Variants in MTUS2 observed in about 807,000 individuals in gnomAD.
MTUS2 encodes the protein microtubule associated scaffold protein 2.
A neutral mutation model predicts 114.1 loss-of-function variants in MTUS2; 40 were observed. The observed-to-expected ratio is 0.35, with a 90% CI of 0.27 to 0.46. The LOEUF is 0.46. MTUS2 is among the 20% of genes least tolerant of loss of function. MTUS2 has a pLI of 1.00. For missense variants in MTUS2, 1,679 were observed against 1,705.4 expected, an observed-to-expected ratio of 0.98 and a Z score of 0.27; for synonymous variants, 688 against 672.0, an observed-to-expected ratio of 1.02 and a Z score of -0.37.
At position 29,024,774 on chromosome 13, in the gene MTUS2, A is replaced by C. The variant is rs760014567; in HGVS notation, c.76A>C (p.Asn26His). 1.2e-6 allele frequency: 2 copies of C among 1,614,024 alleles called. No homozygotes were observed. The highest frequency in any genetic ancestry group is 2.2e-5 in the South Asian group (2 of 91,088). Residue 26 changes from asparagine (N) to histidine (H), a missense_variant, in exon 3 of 16, where the codon AAT becomes CAT. Asn to His is a moderately conservative substitution (Grantham distance 68). This residue lies in a region of MTUS2 where 843 missense variants were observed against 770.8 expected (regional missense o/e 1.09). Transcript: ENST00000612955. ...CAACAGAAATGCAGCAAGAAATAAT[A>C]ATGAAAGCATCTTAAGTCTGGGAGA... is the stretch of plus-strand genomic sequence containing the variant. ...RDNRNAARNN[N>H]ESILSLGDTN...
intron 5 of MTUS2, among the ~76,000 whole-genome samples, chr13:29,130,613 C>CATTT (rs566541625): frequency 1.2e-4 from 19 of 152,170 alleles, no homozygotes; most frequent in South Asian, 6.2e-4. Context: ...AATTTCTACA[C>CATTT]ATTTATTTAT....
chr13:28,900,893 A>G (rs1879608150), intron 2 of MTUS2, among the ~76,000 whole-genome samples: 1 of 152,166 alleles, frequency 6.6e-6, no homozygotes, highest in African/African-American at 2.4e-5. Context: ...ATTTCTCTGG[A>G]GTAAATGCCT....
chr13:28,862,217 A>G (rs1028289611), intron 2 of MTUS2, among the ~76,000 whole-genome samples: 4 of 152,216 alleles, frequency 2.6e-5, no homozygotes, highest in Non-Finnish European at 5.9e-5. Flanking sequence ...GGAAACATTT[A>G]TGTAGGCTGA....
chr13:28,980,141 C>A (rs1884293070), intron 2 of MTUS2, among the ~76,000 whole-genome samples: 2 of 152,184 alleles, frequency 1.3e-5, no homozygotes. Context: ...TGAATACATT[C>A]ATTGTTTAAA....
intron 8 of MTUS2, among the ~76,000 whole-genome samples, chr13:29,374,468 C>T (rs529737364): frequency 3.3e-5 from 5 of 152,276 alleles, no homozygotes; most frequent in Non-Finnish European, 5.9e-5. Flanking sequence ...CATTACCTAT[C>T]GGGGAACAAC....
At chr13:28,990,867 T>C (rs971004887) in intron 2 of MTUS2, among the ~76,000 whole-genome samples, 1 of 152,004 alleles carries the variant, frequency 6.6e-6, no homozygotes, top group Non-Finnish European at 1.5e-5. Flanking sequence ...TGCGAGGGTC[T>C]GCGGCTTCAT....
chr13:29,406,598 C>T (rs80336392), intron 8 of MTUS2, among the ~76,000 whole-genome samples: 5,066 of 152,266 alleles, frequency 0.033, 106 homozygotes, highest in Non-Finnish European at 0.047. Flanking sequence ...CATACCATCA[C>T]CTCTGCTATA....
At chr13:29,186,590 T>A (rs1382666806) in intron 5 of MTUS2, among the ~76,000 whole-genome samples, 1 of 152,190 alleles carries the variant, frequency 6.6e-6, no homozygotes, top group Non-Finnish European at 1.5e-5. Context: ...TTATGAACAT[T>A]AATGCACTTA....
chr13:29,458,193 C>A (rs1343453372), intron 9 of MTUS2, among the ~76,000 whole-genome samples: 1 of 152,198 alleles, frequency 6.6e-6, no homozygotes, highest in African/African-American at 2.4e-5. Context: ...CTCATGCTTG[C>A]CACATGTCCC....
chr13:29,018,181 T>G (rs1160644764), intron 2 of MTUS2, among the ~76,000 whole-genome samples: 1 of 152,136 alleles, frequency 6.6e-6, no homozygotes, highest in African/African-American at 2.4e-5. Flanking sequence ...ACAGGGCAAA[T>G]GTACTTTAAG....
At chr13:29,305,702 A>G (rs1393127334) in intron 6 of MTUS2, among the ~76,000 whole-genome samples, 1 of 152,224 alleles carries the variant, frequency 6.6e-6, no homozygotes, top group Non-Finnish European at 1.5e-5. Flanking sequence ...AAATTCTACT[A>G]GATGTACAAA....
At position 28,923,101 on chromosome 13, in the gene MTUS2, C is replaced by T. The variant is rs559305983; in HGVS notation, c.-243+83251C>T. Among the ~76,000 whole-genome samples the T allele has an allele frequency of 7.8e-4, 118 of 152,206 alleles. 1 individual carries two copies. The highest frequency in any genetic ancestry group is 2.7e-3 in the African/African-American group (114 of 41,534). On this transcript the variant is annotated intron_variant, in intron 2 of 15. Transcript: ENST00000612955. ...TTGTTCTAAAGTTTATGTATTCTCT[C>T]CTTTGTCATTTCTGCTTCCTTATCG... is the stretch of plus-strand genomic sequence containing the variant.
chr13:28,871,928 G>A (rs192768894), intron 2 of MTUS2, among the ~76,000 whole-genome samples: 19 of 152,298 alleles, frequency 1.2e-4, no homozygotes, highest in Non-Finnish European at 1.3e-4. Context: ...ACAGACTGGT[G>A]AGTTTGGCCA....
chr13:29,233,327 G>T (rs1227603134), intron 5 of MTUS2, among the ~76,000 whole-genome samples: 1 of 152,104 alleles, frequency 6.6e-6, no homozygotes, highest in Non-Finnish European at 1.5e-5. Flanking sequence ...TAGACAATCG[G>T]TGAGAACAGA....
rs939442274 is a variant in MTUS2, at chr13:29,084,790, C to G, written c.2447-15983C>G. The stretch of plus-strand genomic sequence containing the variant: ...TGACCTCAGGTGATCCACCCCCCCC[C>G]CTCACCGTTGGCCTTCCAAAGTGCT... On this transcript the variant is annotated intron_variant, in intron 4 of 15. Transcript: ENST00000612955. Among the ~76,000 whole-genome samples, 8 of 112,988 alleles carry G rather than the reference C, an allele frequency of 7.1e-5. 1 individual carries two copies. Among genetic ancestry groups the G allele is most frequent in the Admixed American group, 4.3e-4 (5 of 11,598 alleles). 74.1% of individuals were successfully genotyped at this position (112,988 alleles called of 152,430 possible). A position where few individuals can be genotyped will look rare whatever the true frequency, so the allele number is the denominator to read the frequency against.
intron 2 of MTUS2, among the ~76,000 whole-genome samples, chr13:28,939,835 T>G (rs1437524719): frequency 1.3e-5 from 2 of 151,814 alleles, no homozygotes; most frequent in Non-Finnish European, 2.9e-5. Context: ...AGGAAAGAAG[T>G]TTAATGGATT....
chr13:29,440,784 C>T (rs73444043), intron 9 of MTUS2, among the ~76,000 whole-genome samples: 2,109 of 152,194 alleles, frequency 0.014, 46 homozygotes, highest in African/African-American at 0.049. Context: ...GTCCTGGGAG[C>T]AGCCCACCAT....
intron 2 of MTUS2, among the ~76,000 whole-genome samples, chr13:28,917,568 CT>C (rs762287575): frequency 8.2e-5 from 12 of 145,900 alleles, no homozygotes; most frequent in South Asian, 2.2e-4. Context: ...GTTGTAATGT[CT>C]TTTTTTTTTC....
chr13:29,134,398 T>TTCA (rs34840932), intron 5 of MTUS2, among the ~76,000 whole-genome samples: 59,289 of 151,674 alleles, frequency 0.39, 13,619 homozygotes, highest in Non-Finnish European at 0.48. Context: ...TTTATTGTGT[T>TTCA]GTTCAAGCTC....
Sources: gnomAD v4.1 joint callset for allele counts (sites outside exome capture counted in the v4.1 genomes callset) on GRCh38, gnomAD v4.1.1 for gene constraint, gnomAD v4.1.1 regional missense constraint, MANE v1.5 for transcripts, NCBI Gene and HGNC (gene_info 2026-07-23, HGNC 2026-07-21) for gene names.